The following CCT8 variants were observed in gnomAD, a reference collection of about 807,000 sequenced individuals.
CCT8 encodes chaperonin containing TCP1 subunit 8.
CCT8 carries 10 observed loss-of-function variants against 65.7 expected under a neutral mutation model. That is an observed-to-expected ratio of 0.15 (90% CI 0.09 to 0.26). The LOEUF (loss-of-function observed/expected upper bound fraction) is 0.26, where lower values mean the gene tolerates loss of function less well. Ranked by LOEUF, CCT8 falls within the 10% of genes least tolerant of loss-of-function variation. CCT8 has a pLI of 1.00. For synonymous variants in CCT8, 199 were observed against 221.8 expected (o/e 0.90, Z 0.92); for missense variants, 568 against 669.1 (o/e 0.85, Z 1.67).
At position 29,067,540 on chromosome 21, in the gene CCT8, A is replaced by G. The variant is rs760272454; in HGVS notation, c.381+16T>C. 1 of 1,438,416 alleles carries G rather than the reference A, an allele frequency of 7.0e-7. No homozygotes were observed. 89.1% of individuals were successfully genotyped at this position (1,438,416 alleles called of 1,614,324 possible). On this transcript the variant is annotated intron_variant, in intron 4 of 14. Coordinates refer to ENST00000286788, the MANE Select transcript of CCT8 (RefSeq NM_006585.4). ...AGCAAAAATTTAGTAGGAGTAAATT[A>G]TAAATGAACACTTGCCTCTGAAACT...
At position 29,070,290 on chromosome 21, in the gene CCT8, G is replaced by A; in HGVS notation, c.108C>T (p.Cys36=). 6.2e-7 allele frequency: 1 copy of A among 1,612,264 alleles called. No individual in the cohort carries two copies. The highest frequency in any genetic ancestry group is 8.5e-7 in the Non-Finnish European group (1 of 1,179,066). The change falls in exon 2 of 15, where the codon TGC becomes TGT. Residue 36 remains cysteine (C), a synonymous_variant. Transcript: ENST00000286788. The part of the protein sequence containing the change: ...EEAVYRNIQA[C]KELAQTTRTA... ...TACGAGTGGTTTGGGCAAGCTCCTT[G>A]CAAGCTTGTATGTTTCTATACACAG...
chr21:29,057,277 T>C (rs917679332), intron 14 of CCT8, among the ~76,000 whole-genome samples: 2 of 151,552 alleles, frequency 1.3e-5, no homozygotes, highest in African/African-American at 4.8e-5. Context: ...GTTCAAGCAA[T>C]TCTCCTGCCT....
At chr21:29,065,515 C>T (rs1221674374) in intron 6 of CCT8, among the ~76,000 whole-genome samples, 2 of 152,190 alleles carry the variant, frequency 1.3e-5, no homozygotes, top group Non-Finnish European at 2.9e-5. Context: ...AGACAGCAAA[C>T]ATAGAACACG....
chr21:29,062,576 C>T lies in CCT8; in HGVS notation c.942-20G>A, dbSNP rs767920038. On this transcript the variant is annotated intron_variant, in intron 8 of 14. Transcript: ENST00000286788. Reference sequence around the variant, plus strand: ...TTTAGCCTTTAAAAAACACAAAGACCTTAATAAAAGTTTTAATCAATTTCA... The same window carrying T: ...TTTAGCCTTTAAAAAACACAAAGACTTTAATAAAAGTTTTAATCAATTTCA... The T allele has an allele frequency of 1.9e-6, 3 of 1,601,666 alleles. No individual in the cohort carries two copies. The highest frequency in any genetic ancestry group is 2.6e-6 in the Non-Finnish European group (3 of 1,171,182).
Position 29,062,232 on chromosome 21 carries a change from C to T in CCT8, c.1108G>A (p.Gly370Ser), listed in dbSNP as rs1461466146. The T allele has an allele frequency of 1.9e-6, 3 of 1,613,068 alleles. No homozygotes were observed. The Admixed American group carries it at 5.0e-5, about 27-fold the overall frequency. ...CGAAGTACTATGGTAGAAATGGCGC[C>T]ATCTTCCTTTTCTATCAAAAAATTA... is the stretch of plus-strand genomic sequence containing the variant. ...VVVFKHEKED[G>S]AISTIVLRGS... The change falls in exon 11 of 15, where the codon GGC (glycine) becomes AGC (serine). Residue 370 changes from glycine to serine, a missense_variant. Gly to Ser is a moderately conservative substitution (Grantham distance 56). Transcript: ENST00000286788.
At position 29,061,511 on chromosome 21, in the gene CCT8, G is replaced by C. The variant is rs548773037; in HGVS notation, c.1269C>G (p.Ile423Met). Residue 423 changes from isoleucine (I) to methionine (M), a missense_variant, in exon 12 of 15, where the codon ATC becomes ATG. Transcript: ENST00000286788. ...AAAGCTGTACCTCTCCATATGATGT[G>C]ATCTGTTTGGCTAATTCAATTTCTG... ...GATEIELAKQ[I>M]TSYGETCPGL... is the part of the protein sequence containing the mutation. 9.3e-6 allele frequency: 15 copies of C among 1,613,712 alleles called. No homozygotes were observed. Among genetic ancestry groups the C allele is most frequent in the Admixed American group, 1.7e-5 (1 of 59,992 alleles).
At chr21:29,068,757 G>A (rs989963259) in intron 3 of CCT8, among the ~76,000 whole-genome samples, 4 of 152,156 alleles carry the variant, frequency 2.6e-5, no homozygotes, top group Non-Finnish European at 4.4e-5. Context: ...GAGCCACCGC[G>A]TCCAACCAAA....
In CCT8 at chr21:29,073,584, G is replaced by C; in HGVS notation, c.7C>G (p.Leu3Val). The change falls in exon 1 of 15, where the codon CTT becomes GTT. Residue 3 changes from leucine (L) to valine (V), a missense_variant. Coordinates refer to ENST00000286788, the MANE Select transcript of CCT8 (RefSeq NM_006585.4). Reference protein sequence around the residue: MALHVPKAPGFAQ... With the variant: MAVHVPKAPGFAQ... ...AAGCCCGGAGCCTTGGGAACGTGAA[G>C]CGCCATGGCCAGCCTGCAGGAAGCA... 1 of 1,614,098 alleles carries C rather than the reference G, an allele frequency of 6.2e-7. No individual in the cohort carries two copies. Among genetic ancestry groups the C allele is most frequent in the Non-Finnish European group, 8.5e-7 (1 of 1,180,026 alleles).
chr21:29,058,881 C>T (rs573010899), intron 14 of CCT8, among the ~76,000 whole-genome samples: 140 of 152,158 alleles, frequency 9.2e-4, no homozygotes, highest in East Asian at 4.3e-3. Flanking sequence ...CGTGAGCCAC[C>T]GCGCCTGGCC....
chr21:29,061,472 C>T, intron 12 of CCT8, 24 bp downstream of exon 12: 1 of 1,613,438 alleles, frequency 6.2e-7, no homozygotes, highest in Non-Finnish European at 8.5e-7. Flanking sequence ...GAAAGAAAGT[C>T]AATTTATACA....
intron 3 of CCT8, among the ~76,000 whole-genome samples, chr21:29,068,314 C>T (rs1037479360): frequency 7.9e-5 from 12 of 152,072 alleles, no homozygotes; most frequent in East Asian, 1.9e-4. Flanking sequence ...ATTATTTTGA[C>T]GGTATCACCA....
intron 1 of CCT8, chr21:29,072,035 T>C: frequency 1.4e-6 from 1 of 693,478 alleles, no homozygotes; most frequent in Non-Finnish European, 2.6e-6. Context: ...TCAAAATCAT[T>C]CCTTCCTCAG....
chr21:29,068,231 C>A (rs1020024419), intron 3 of CCT8, among the ~76,000 whole-genome samples: 4 of 151,862 alleles, frequency 2.6e-5, no homozygotes, highest in Non-Finnish European at 5.9e-5. Context: ...TTTTAGATAC[C>A]TTTACAGAAA....
Position 29,063,382 on chromosome 21 carries a change from T to C in CCT8, c.911A>G (p.Tyr304Cys), listed in dbSNP as rs1042058151. Reference protein sequence around the residue: ...GGKVADMALHYANKYNIMLVR... With the variant: ...GGKVADMALHCANKYNIMLVR... ...TAACATGATATTATATTTATTTGCA[T>C]AATGAAGAGCCATGTCTGCCACTTT... The change falls in exon 8 of 15, where the codon TAT becomes TGT. Residue 304 changes from tyrosine (Y) to cysteine (C), a missense_variant. Transcript: ENST00000286788. The C allele has an allele frequency of 2.5e-6, 4 of 1,613,654 alleles. No homozygotes were observed. The African/African-American group carries it at 5.3e-5, about 22-fold the overall frequency.
In CCT8 at chr21:29,068,116, T is replaced by C. The variant is rs117359229; in HGVS notation, c.232-411A>G. 4.9e-3 allele frequency among the ~76,000 whole-genome samples: 739 copies of C among 152,340 alleles called. 1 individual carries two copies. The highest frequency in any genetic ancestry group is 7.3e-3 in the Non-Finnish European group (500 of 68,032). On this transcript the variant is annotated intron_variant, in intron 3 of 14. Coordinates refer to ENST00000286788, the MANE Select transcript of CCT8 (RefSeq NM_006585.4). Reference sequence around the variant, plus strand: ...CTCTCAATATCTATTTTACTATATATTCTTGTTGTAAGGGTTATCATTTGT... The same window carrying C: ...CTCTCAATATCTATTTTACTATATACTCTTGTTGTAAGGGTTATCATTTGT...
At position 29,073,564 on chromosome 21, in the gene CCT8, C is replaced by T. The variant is rs1403185545; in HGVS notation, c.27G>A (p.Pro9=). The T allele has an allele frequency of 6.2e-7, 1 of 1,614,060 alleles. No homozygotes were observed. The highest frequency in any genetic ancestry group is 1.3e-5 in the African/African-American group (1 of 74,938). MALHVPKA[P]GFAQMLKEGA... is the part of the protein sequence containing the mutation. The stretch of plus-strand genomic sequence containing the variant: ...CCTCCTTGAGCATCTGGGCAAAGCC[C>T]GGAGCCTTGGGAACGTGAAGCGCCA... Residue 9 remains proline (P), a synonymous_variant, in exon 1 of 15, where the codon CCG becomes CCA. Transcript: ENST00000286788.
chr21:29,063,591 T>C (rs2085587972), intron 7 of CCT8, 61 bp from the exon 8 acceptor site: 7 of 1,521,494 alleles, frequency 4.6e-6, no homozygotes, highest in African/African-American at 4.1e-5. Flanking sequence ...TTCAAAGTCA[T>C]TAGATAATAG....
chr21:29,057,769 ATATGATATATATGAGATATG>A (rs1480707024), intron 14 of CCT8, among the ~76,000 whole-genome samples: 2 of 112,826 alleles, frequency 1.8e-5, no homozygotes, highest in African/African-American at 5.6e-5. Context: ...TATGAGATAT[ATATGATATATATGAGATATG>A]TATGATATAT....
chr21:29,072,561 C>T (rs2085693787), intron 1 of CCT8, among the ~76,000 whole-genome samples: 1 of 152,118 alleles, frequency 6.6e-6, no homozygotes, highest in African/African-American at 2.4e-5. Flanking sequence ...TACCTTGAAC[C>T]CTGACATTTA....
Sources: gnomAD v4.1 joint callset for allele counts (sites outside exome capture counted in the v4.1 genomes callset) on GRCh38, gnomAD v4.1.1 for gene constraint, MANE v1.5 for transcripts, NCBI Gene and HGNC (gene_info 2026-07-23, HGNC 2026-07-21) for gene names.